Variants in DCAF8 observed in about 807,000 individuals in gnomAD.
The protein encoded by DCAF8 is DDB1- and CUL4-associated factor 8.
DCAF8 carries 20 observed loss-of-function variants against 68.0 expected under a neutral mutation model. The ratio of observed to expected loss-of-function variants is 0.29; its 90% CI spans 0.21 to 0.43. The LOEUF (loss-of-function observed/expected upper bound fraction) is 0.43, where lower values mean the gene tolerates loss of function less well. Among genes scored for constraint, DCAF8 ranks in the 20% least tolerant of loss-of-function variants. The probability of loss-of-function intolerance (pLI) is 1.00; values close to 1 mark genes in which losing one functional copy is unlikely to be tolerated. For missense variants in DCAF8, 460 were observed against 771.0 expected, an observed-to-expected ratio of 0.60 and a Z score of 4.78; for synonymous variants, 230 against 276.9, an observed-to-expected ratio of 0.83 and a Z score of 1.68.
intron 2 of DCAF8, among the ~76,000 whole-genome samples, chr1:160,260,085 C>CA (rs59002926): frequency 0.023 from 3,021 of 132,746 alleles, 88 homozygotes; most frequent in African/African-American, 0.065. Flanking sequence ...CAATGATGTG[C>CA]AAAAAAAAAA....
At chr1:160,226,627 C>A (rs1287576707) in intron 7 of DCAF8, among the ~76,000 whole-genome samples, 1 of 152,200 alleles carries the variant, frequency 6.6e-6, no homozygotes, top group Non-Finnish European at 1.5e-5. Context: ...TCAACCTCTT[C>A]CTCATCACCA....
At chr1:160,231,130 C>T (rs1330063019) in intron 7 of DCAF8, among the ~76,000 whole-genome samples, 167 bp downstream of exon 7, 1 of 152,104 alleles carries the variant, frequency 6.6e-6, no homozygotes, top group Non-Finnish European at 1.5e-5. Flanking sequence ...CATTAGAGAA[C>T]AGAACATCTC....
At chr1:160,244,531 A>G (rs778963011) in intron 2 of DCAF8, among the ~76,000 whole-genome samples, 4 of 152,216 alleles carry the variant, frequency 2.6e-5, no homozygotes, top group Non-Finnish European at 4.4e-5. Context: ...CATTTTACAC[A>G]CAAATCAACA....
intron 2 of DCAF8, among the ~76,000 whole-genome samples, chr1:160,258,275 A>T (rs1027796648): frequency 2.0e-5 from 3 of 152,138 alleles, no homozygotes; most frequent in African/African-American, 7.2e-5. Flanking sequence ...TAAGCCCAAG[A>T]GGTCGAGGTT....
intron 2 of DCAF8, among the ~76,000 whole-genome samples, chr1:160,249,173 AGAG>A (rs1656477887): frequency 6.6e-6 from 1 of 152,160 alleles, no homozygotes; most frequent in African/African-American, 2.4e-5. Context: ...CCTGGGCAAC[AGAG>A]GAGACTCCAT....
Position 160,240,019 on chromosome 1 carries a change from C to G in DCAF8, c.401G>C (p.Arg134Pro). Residue 134 changes from arginine (R) to proline (P), a missense_variant, in exon 4 of 14, where the codon CGG becomes CCG. Coordinates refer to ENST00000368074, the MANE Select transcript of DCAF8 (RefSeq NM_015726.4). ...NRDQDSSDDE[R>P]ALEDWVSSET... Reference sequence around the variant, plus strand: ...TGAGGACACCCAGTCCTCTAGGGCCCGCTCATCATCTGATGAGTCCTGGTC... The same window carrying G: ...TGAGGACACCCAGTCCTCTAGGGCCGGCTCATCATCTGATGAGTCCTGGTC... The G allele has an allele frequency of 6.2e-7, 1 of 1,614,244 alleles. No homozygotes were observed. The highest frequency in any genetic ancestry group is 8.5e-7 in the Non-Finnish European group (1 of 1,180,040).
intron 13 of DCAF8, 182 bp from the exon 14 acceptor site, chr1:160,217,890 G>A: frequency 1.8e-6 from 1 of 552,300 alleles, no homozygotes; most frequent in East Asian, 2.9e-5. Flanking sequence ...TCAACTCATT[G>A]TAGCGTGAAG....
rs142744762 is a variant in DCAF8 at position 160,257,936 on chromosome 1, C to T, written c.-27+3349G>A. ...TGTAGAGACAAGGTCTCAATATTGC[C>T]TAGGCTGGACTTGAACAACTAGGAT... On this transcript the variant is annotated intron_variant, in intron 2 of 13. Coordinates refer to ENST00000368074, the MANE Select transcript of DCAF8 (RefSeq NM_015726.4). Among the ~76,000 whole-genome samples the T allele has an allele frequency of 1.3e-3, 200 of 152,288 alleles. 3 individuals carry two copies. The East Asian group carries it at 0.035, about 26-fold the overall frequency.
intron 2 of DCAF8, among the ~76,000 whole-genome samples, chr1:160,247,128 A>C (rs1656371152): frequency 6.6e-6 from 1 of 152,184 alleles, no homozygotes; most frequent in Non-Finnish European, 1.5e-5. Context: ...TTTCATGTAA[A>C]ATCTAGTCCA....
intron 9 of DCAF8, 32 bp downstream of exon 9, chr1:160,225,030 G>T: frequency 6.2e-7 from 1 of 1,609,318 alleles, no homozygotes; most frequent in Non-Finnish European, 8.5e-7. Context: ...GAGGGGGCAT[G>T]CCAGCCTAGG....
chr1:160,223,213 G>T (rs749823037), intron 10 of DCAF8, among the ~76,000 whole-genome samples: 3 of 152,214 alleles, frequency 2.0e-5, no homozygotes, highest in Admixed American at 6.5e-5. Flanking sequence ...TGCCACAACT[G>T]CCTCGAGAAG....
rs1179563271 is a variant in DCAF8, at chr1:160,262,537, G to A, written c.-189C>T. ...TTTCCGGCCCCGTTTGCGACGATGTGCTCGAGAAGACTGAGGGAAGAGTGG... is the reference window on the plus strand; with the variant it reads ...TTTCCGGCCCCGTTTGCGACGATGTACTCGAGAAGACTGAGGGAAGAGTGG... On this transcript the variant is annotated 5_prime_UTR_variant, in exon 1 of 14. Transcript: ENST00000368074. 7.5e-6 allele frequency: 3 copies of A among 398,926 alleles called. No individual in the cohort carries two copies. The highest frequency in any genetic ancestry group is 1.3e-5 in the Non-Finnish European group (3 of 226,114). 24.7% of individuals were successfully genotyped at this position (398,926 alleles called of 1,614,324 possible). A position where few individuals can be genotyped will look rare whatever the true frequency, so the allele number is the denominator to read the frequency against.
intron 7 of DCAF8, among the ~76,000 whole-genome samples, chr1:160,228,299 G>C (rs2101724891): frequency 6.6e-6 from 1 of 151,976 alleles, no homozygotes; most frequent in East Asian, 1.9e-4. Context: ...ATGCCTTCAG[G>C]CACCCACTAA....
intron 8 of DCAF8, 111 bp from the exon 9 acceptor site, chr1:160,225,230 G>A (rs1655422927): frequency 1.9e-6 from 2 of 1,029,844 alleles, no homozygotes; most frequent in Non-Finnish European, 2.9e-6. Context: ...AGAGATTTGA[G>A]AAAGACAGAC....
At chr1:160,241,156 A>G (rs1298459894) in intron 3 of DCAF8, among the ~76,000 whole-genome samples, 1 of 152,158 alleles carries the variant, frequency 6.6e-6, no homozygotes, top group Non-Finnish European at 1.5e-5. Flanking sequence ...CATCTCAAAA[A>G]AAAGAAAGTA....
chr1:160,224,991 G>T, intron 9 of DCAF8, 71 bp downstream of exon 9: 2 of 1,454,758 alleles, frequency 1.4e-6, no homozygotes, highest in Non-Finnish European at 9.7e-7. Context: ...GAGGGCACAT[G>T]CCTCACTGGC....
intron 7 of DCAF8, 79 bp from the exon 8 acceptor site, chr1:160,225,742 G>GA: frequency 8.8e-7 from 1 of 1,135,814 alleles, no homozygotes; most frequent in Non-Finnish European, 1.3e-6. Context: ...GTAGTGGCAG[G>GA]AAACTGCCAG....
rs200487674 is a variant in DCAF8 at position 160,236,432 on chromosome 1, A to ATG, written c.959+701_959+702dup. 8.6e-4 allele frequency among the ~76,000 whole-genome samples: 128 copies of ATG among 149,614 alleles called. 1 individual carries two copies. The highest frequency in any genetic ancestry group is 2.5e-3 in the South Asian group (12 of 4,776). ...TGTGTGTGTATATATGTGTGTGTGTATGTGTGTGTGTGTGTATATATATAT... is the reference window on the plus strand; with the variant it reads ...TGTGTGTGTATATATGTGTGTGTGTATGTGTGTGTGTGTGTGTATATATATAT... On this transcript the variant is annotated intron_variant, in intron 6 of 13. Transcript: ENST00000368074.
chr1:160,237,753 T>C (rs1033405725), intron 5 of DCAF8, among the ~76,000 whole-genome samples: 2 of 151,814 alleles, frequency 1.3e-5, no homozygotes, highest in African/African-American at 4.9e-5. Context: ...TTGCCCAGGC[T>C]GGTCTTTAAC....
Sources: gnomAD v4.1 joint callset for allele counts (sites outside exome capture counted in the v4.1 genomes callset) on GRCh38, gnomAD v4.1.1 for gene constraint, MANE v1.5 for transcripts, NCBI Gene and HGNC (gene_info 2026-07-23, HGNC 2026-07-21) for gene names.